The following CCDC141 variants were observed in gnomAD, a reference collection of about 807,000 sequenced individuals.
CCDC141 encodes the protein coiled-coil domain-containing protein 141.
A neutral mutation model predicts 181.0 loss-of-function variants in CCDC141; 168 were observed. The observed-to-expected ratio is 0.93, with a 90% CI of 0.82 to 1.05. The LOEUF (loss-of-function observed/expected upper bound fraction) is 1.05. Among genes scored for constraint, CCDC141 ranks in the 50% least tolerant of loss-of-function variants. The probability of loss-of-function intolerance (pLI) is 0.00; values close to 1 mark genes in which losing one functional copy is unlikely to be tolerated. For missense variants in CCDC141, 1,902 were observed against 1,788.5 expected (o/e 1.06, Z -1.14); for synonymous variants, 666 against 642.3 (o/e 1.04, Z -0.56).
At chr2:178,862,827 TA>T (rs1685679768) in intron 17 of CCDC141, among the ~76,000 whole-genome samples, 1 of 152,238 alleles carries the variant, frequency 6.6e-6, no homozygotes, top group African/African-American at 2.4e-5. Flanking sequence ...AAATTACATT[TA>T]GAACACTTTA....
intron 8 of CCDC141, among the ~76,000 whole-genome samples, chr2:178,896,974 C>T (rs1000476211): frequency 1.3e-5 from 2 of 151,976 alleles, no homozygotes; most frequent in Non-Finnish European, 2.9e-5. Context: ...CTGCCACCCC[C>T]TCCTCCAGCC....
intron 2 of CCDC141, among the ~76,000 whole-genome samples, chr2:178,990,256 A>T (rs1184848575): frequency 1.8e-5 from 1 of 56,342 alleles, no homozygotes; most frequent in African/African-American, 4.0e-5. Flanking sequence ...CAGCTGCTTT[A>T]AAAAAAAAAA....
intron 2 of CCDC141, among the ~76,000 whole-genome samples, chr2:178,984,631 C>T (rs367771953): frequency 1.3e-5 from 2 of 148,220 alleles, no homozygotes; most frequent in Non-Finnish European, 3.0e-5. Flanking sequence ...ATCTACCAAG[C>T]AAATGGAAAA....
intron 16 of CCDC141, among the ~76,000 whole-genome samples, chr2:178,867,601 C>T (rs1685908904): frequency 6.6e-6 from 1 of 152,238 alleles, no homozygotes; most frequent in African/African-American, 2.4e-5. Context: ...GATTCCCATA[C>T]CCAAATTGCT....
At chr2:178,902,950 A>G (rs1687776336) in intron 8 of CCDC141, among the ~76,000 whole-genome samples, 1 of 149,156 alleles carries the variant, frequency 6.7e-6, no homozygotes, top group South Asian at 2.3e-4. Context: ...GGCGAAGGAC[A>G]TGAACAGACA....
chr2:179,002,493 T>G, intron 2 of CCDC141: 1 of 408,456 alleles, frequency 2.4e-6, no homozygotes, highest in Middle Eastern at 8.2e-4. Context: ...TTTCAATCTC[T>G]CTAAAAAAAG....
At chr2:178,916,400 TGGA>T (rs1296874718) in intron 7 of CCDC141, among the ~76,000 whole-genome samples, 6 of 152,108 alleles carry the variant, frequency 3.9e-5, no homozygotes, top group African/African-American at 1.4e-4. Context: ...TTATAAAATT[TGGA>T]GGTTTTACAA....
intron 5 of CCDC141, among the ~76,000 whole-genome samples, chr2:178,959,438 G>A (rs995325349): frequency 1.3e-5 from 2 of 152,148 alleles, no homozygotes; most frequent in Non-Finnish European, 2.9e-5. Context: ...ACAGCGAGGA[G>A]CAAGTGAGCT....
At chr2:179,002,447 C>A in intron 2 of CCDC141, 1 of 392,416 alleles carries the variant, frequency 2.5e-6, no homozygotes. Flanking sequence ...CGCCTCATCA[C>A]TTGGGGCCCA....
intron 2 of CCDC141, among the ~76,000 whole-genome samples, chr2:179,018,341 G>C (rs2042602495): frequency 6.6e-6 from 1 of 152,170 alleles, no homozygotes; most frequent in African/African-American, 2.4e-5. Flanking sequence ...GATACAGGTA[G>C]AGTCTCTAGT....
chr2:179,029,869 A>G (rs2042954718), intron 2 of CCDC141, among the ~76,000 whole-genome samples: 1 of 152,170 alleles, frequency 6.6e-6, no homozygotes, highest in South Asian at 2.1e-4. Flanking sequence ...TCTTGGAAGA[A>G]AAAGAAAATC....
intron 2 of CCDC141, among the ~76,000 whole-genome samples, chr2:179,019,062 T>C (rs1245266250): frequency 1.3e-5 from 2 of 152,192 alleles, no homozygotes; most frequent in African/African-American, 4.8e-5. Flanking sequence ...GTTCAGAGCA[T>C]TGCTTTTTGT....
intron 2 of CCDC141, 38 bp downstream of exon 2, chr2:179,047,246 C>G (rs1559070604): frequency 6.7e-7 from 1 of 1,490,162 alleles, no homozygotes; most frequent in South Asian, 1.4e-5. Context: ...TTTTATGTCT[C>G]TTTAATTTTG....
intron 17 of CCDC141, among the ~76,000 whole-genome samples, chr2:178,863,531 T>C (rs112325568): frequency 1.9e-3 from 289 of 152,344 alleles, no homozygotes; most frequent in African/African-American, 6.7e-3. Context: ...TAGCAAATAT[T>C]ATTACCACTG....
At chr2:178,884,497 A>C (rs1686782748) in intron 11 of CCDC141, among the ~76,000 whole-genome samples, 1 of 152,194 alleles carries the variant, frequency 6.6e-6, no homozygotes, top group South Asian at 2.1e-4. Context: ...GTAGGTTTTC[A>C]CATGTAAAAT....
intron 6 of CCDC141, among the ~76,000 whole-genome samples, chr2:178,942,584 T>C (rs1020714469): frequency 6.6e-6 from 1 of 152,166 alleles, no homozygotes; most frequent in Admixed American, 6.5e-5. Flanking sequence ...AATCATTCAA[T>C]ACATATCATC....
At chr2:178,983,044 T>C (rs1691511021) in intron 2 of CCDC141, among the ~76,000 whole-genome samples, 1 of 152,158 alleles carries the variant, frequency 6.6e-6, no homozygotes, top group Non-Finnish European at 1.5e-5. Flanking sequence ...AGCAGTAACC[T>C]CTGCAGACTT....
At chr2:178,884,252 A>AC (rs1553477702) in intron 11 of CCDC141, among the ~76,000 whole-genome samples, 1 of 151,536 alleles carries the variant, frequency 6.6e-6, no homozygotes, top group Admixed American at 6.6e-5. Flanking sequence ...AAAAAAAAAA[A>AC]AAACCAGAAT....
At chr2:178,903,011 C>T (rs1051188520) in intron 8 of CCDC141, among the ~76,000 whole-genome samples, 16 of 150,006 alleles carry the variant, frequency 1.1e-4, no homozygotes, top group African/African-American at 3.6e-4. Flanking sequence ...AAAAAGTGCT[C>T]ACCATCACTG....
Sources: gnomAD v4.1 joint callset for allele counts (sites outside exome capture counted in the v4.1 genomes callset) on GRCh38, gnomAD v4.1.1 for gene constraint, MANE v1.5 for transcripts, NCBI Gene and HGNC (gene_info 2026-07-23, HGNC 2026-07-21) for gene names.